The following PTGFRN variants were observed in gnomAD, a reference collection of about 807,000 sequenced individuals.
PTGFRN encodes the protein prostaglandin F2 receptor negative regulator.
Under a neutral mutation model 83.2 loss-of-function variants are expected in PTGFRN, and 35 were observed. The observed-to-expected ratio is 0.42, with a 90% CI of 0.32 to 0.56. The LOEUF is 0.56. Among genes scored for constraint, PTGFRN ranks in the 20% least tolerant of loss-of-function variants. The pLI is 0.11. For synonymous variants in PTGFRN, 519 were observed against 498.6 expected (o/e 1.04, Z -0.55); for missense variants, 1,051 against 1,179.5 (o/e 0.89, Z 1.60).
At chr1:116,913,425 G>A (rs1649321581) in intron 1 of PTGFRN, among the ~76,000 whole-genome samples, 1 of 150,450 alleles carries the variant, frequency 6.6e-6, no homozygotes, top group South Asian at 2.1e-4. Context: ...AAATAATGGG[G>A]GTGCAATTAT....
chr1:116,978,625 A>T (rs981578117), intron 7 of PTGFRN, among the ~76,000 whole-genome samples: 1 of 152,222 alleles, frequency 6.6e-6, no homozygotes, highest in Non-Finnish European at 1.5e-5. Flanking sequence ...CAAAAACCAC[A>T]TGATTATCTC....
intron 4 of PTGFRN, among the ~76,000 whole-genome samples, chr1:116,954,119 A>G (rs143253114): frequency 0.016 from 2,368 of 151,974 alleles, 34 homozygotes; most frequent in African/African-American, 0.042. Flanking sequence ...CGGCCTCCCA[A>G]AGTGCTGGGA....
intron 4 of PTGFRN, among the ~76,000 whole-genome samples, chr1:116,950,145 G>A (rs1247196691): frequency 1.3e-5 from 2 of 152,164 alleles, no homozygotes; most frequent in Non-Finnish European, 2.9e-5. Context: ...GAGCAGAGTA[G>A]CTCTCAAGTG....
chr1:116,939,587 A>G (rs1215018123), intron 1 of PTGFRN, among the ~76,000 whole-genome samples: 1 of 151,622 alleles, frequency 6.6e-6, no homozygotes, highest in Non-Finnish European at 1.5e-5. Flanking sequence ...TGCCATGAAA[A>G]CCTCTGACAT....
At position 116,984,665 on chromosome 1, in the gene PTGFRN, C is replaced by T. The variant is rs771159923; in HGVS notation, c.2168-15C>T. ...CATTGCACTGACCCCAGGGTTTTGG[C>T]TTGGTAATCCGTAGATGACATGGCC... On this transcript the variant is annotated splice_polypyrimidine_tract_variant and intron_variant, in intron 7 of 8. Transcript: ENST00000393203. 4.3e-6 allele frequency: 7 copies of T among 1,609,368 alleles called. No homozygotes were observed. The highest frequency in any genetic ancestry group is 5.9e-6 in the Non-Finnish European group (7 of 1,177,432).
rs1435292854 is a variant in PTGFRN, at chr1:116,967,094, T to C, written c.1823T>C (p.Leu608Pro). ...AATGAAACGAAGTACATCATCTCTC[T>C]GGACCAGGATTCTGTGGTGAAGCTG... is the stretch of plus-strand genomic sequence containing the variant. The part of the protein sequence containing the change: ...SPNETKYIIS[L>P]DQDSVVKLEN... Residue 608 changes from leucine (L) to proline (P), a missense_variant, in exon 6 of 9, where the codon CTG becomes CCG. Leu to Pro is a moderately conservative substitution (Grantham distance 98). This residue lies in a region of PTGFRN where 719 missense variants were observed against 836.6 expected (regional missense o/e 0.86). Transcript: ENST00000393203. 6.2e-7 allele frequency: 1 copy of C among 1,614,240 alleles called. No individual in the cohort carries two copies. The highest frequency in any genetic ancestry group is 1.7e-5 in the Admixed American group (1 of 60,034).
intron 1 of PTGFRN, among the ~76,000 whole-genome samples, chr1:116,940,252 C>G (rs1650028233): frequency 6.6e-6 from 1 of 152,152 alleles, no homozygotes; most frequent in South Asian, 2.1e-4. Flanking sequence ...CTGCAGAGGG[C>G]TGAGAGGGAG....
At chr1:116,920,244 A>C (rs1238831152) in intron 1 of PTGFRN, among the ~76,000 whole-genome samples, 2 of 152,240 alleles carry the variant, frequency 1.3e-5, no homozygotes, top group Non-Finnish European at 2.9e-5. Flanking sequence ...TCTCTAGGGT[A>C]CAGAAGTGTC....
At chr1:116,931,159 A>ATT (rs879509290) in intron 1 of PTGFRN, among the ~76,000 whole-genome samples, 3 of 152,226 alleles carry the variant, frequency 2.0e-5, no homozygotes, top group Non-Finnish European at 4.4e-5. Flanking sequence ...TGCTCGGAGG[A>ATT]AATGCTCGTT....
At chr1:116,957,113 CTCTCTCTCTCTCTT>C (rs979619144) in intron 4 of PTGFRN, among the ~76,000 whole-genome samples, 1 of 151,246 alleles carries the variant, frequency 6.6e-6, no homozygotes, top group African/African-American at 2.4e-5. Flanking sequence ...AACTCTCTCT[CTCTCTCTCTCTCTT>C]TCTCTCTCTC....
chr1:116,961,503 A>G lies in PTGFRN; in HGVS notation c.1474A>G (p.Lys492Glu). The stretch of plus-strand genomic sequence containing the variant: ...CCAGGATGGAGACTTTATTTTTTCT[A>G]AGGAACATACAGACACGTTCAATTT... The part of the protein sequence containing the change: ...RAQDGDFIFS[K>E]EHTDTFNFRI... The change falls in exon 5 of 9, where the codon AAG becomes GAG. Residue 492 changes from lysine (K) to glutamate (E), a missense_variant. By Grantham distance (56) the Lys-to-Glu change is moderately conservative. Around this residue, in one of 3 missense-constraint regions of PTGFRN, gnomAD observed 719 missense variants for 836.6 expected, o/e 0.86. Transcript: ENST00000393203. The surrounding 1 kb of genome is among the most constrained non-coding windows in gnomAD (Gnocchi z 5.4). The G allele has an allele frequency of 6.2e-7, 1 of 1,614,100 alleles. No homozygotes were observed.
In PTGFRN at chr1:116,961,857, C is replaced by A. The variant is rs1242731298; in HGVS notation, c.1639+189C>A. On this transcript the variant is annotated intron_variant, in intron 5 of 8. Coordinates refer to ENST00000393203, the MANE Select transcript of PTGFRN (RefSeq NM_020440.4). The surrounding 1 kb of genome is among the most constrained non-coding windows in gnomAD (Gnocchi z 5.4). ...CTATCACCCCTCCTCTGTCCCCAAGCCCCAGAGAGGTCCCTCTCCAACTCA... is the reference window on the plus strand; with the variant it reads ...CTATCACCCCTCCTCTGTCCCCAAGACCCAGAGAGGTCCCTCTCCAACTCA... Among the ~76,000 whole-genome samples the A allele has an allele frequency of 6.6e-6, 1 of 152,166 alleles. No homozygotes were observed. The highest frequency in any genetic ancestry group is 2.4e-5 in the African/African-American group (1 of 41,426).
chr1:116,916,657 A>G (rs755727737), intron 1 of PTGFRN, among the ~76,000 whole-genome samples: 1 of 152,138 alleles, frequency 6.6e-6, no homozygotes, highest in African/African-American at 2.4e-5. Flanking sequence ...GTGTGCTATG[A>G]TTTGACGAAG....
At position 116,952,232 on chromosome 1, in the gene PTGFRN, G is replaced by A. The variant is rs922483962; in HGVS notation, c.1213+2660G>A. ...GAAACTCCAGAGCATAGTCCTAAGA[G>A]CTGGGTAGTTCTTGTCTTCATTTGC... On this transcript the variant is annotated intron_variant, in intron 4 of 8. Transcript: ENST00000393203. The surrounding 1 kb of genome is among the most constrained non-coding windows in gnomAD (Gnocchi z 4.0). Among the ~76,000 whole-genome samples, 3 of 152,180 alleles carry A rather than the reference G, an allele frequency of 2.0e-5. No homozygotes were observed. The highest frequency in any genetic ancestry group is 4.4e-5 in the Non-Finnish European group (3 of 68,052).
chr1:116,974,142 C>G (rs1651076704), intron 6 of PTGFRN, 74 bp from the exon 7 acceptor site: 1 of 1,169,494 alleles, frequency 8.6e-7, no homozygotes, highest in East Asian at 2.4e-5. Context: ...TTTTGATGCC[C>G]CTTAGAGTGC....
rs533286345 is a variant in PTGFRN at position 116,961,740 on chromosome 1, C to T, written c.1639+72C>T. 6 of 1,381,474 alleles carry T rather than the reference C, an allele frequency of 4.3e-6. No individual in the cohort carries two copies. The highest frequency in any genetic ancestry group is 5.9e-6 in the Non-Finnish European group (6 of 1,012,590). 85.6% of individuals were successfully genotyped at this position (1,381,474 alleles called of 1,614,324 possible). A position where few individuals can be genotyped will look rare whatever the true frequency, so the allele number is the denominator to read the frequency against. ...AGTCGTGCCGCTGTGTGTTGATGCA[C>T]AGTCACCCTCTGCAGGTTATCACTT... is the stretch of plus-strand genomic sequence containing the variant. On this transcript the variant is annotated intron_variant, in intron 5 of 8. Coordinates refer to ENST00000393203, the MANE Select transcript of PTGFRN (RefSeq NM_020440.4). This position sits in a 1 kb window ranked among gnomAD's most constrained non-coding sequence, Gnocchi z 5.4.
At chr1:116,921,032 A>G (rs1419983150) in intron 1 of PTGFRN, among the ~76,000 whole-genome samples, 2 of 152,198 alleles carry the variant, frequency 1.3e-5, no homozygotes, top group Non-Finnish European at 2.9e-5. Flanking sequence ...CTGAACAAGG[A>G]AGGTTCAAAA....
At chr1:116,914,799 C>T (rs182589591) in intron 1 of PTGFRN, among the ~76,000 whole-genome samples, 1 of 151,686 alleles carries the variant, frequency 6.6e-6, no homozygotes, top group Non-Finnish European at 1.5e-5. Flanking sequence ...TGCCCAGGCA[C>T]AGCCACTCCT....
Position 116,967,085 on chromosome 1 carries a change from T to C in PTGFRN, c.1814T>C (p.Ile605Thr). Residue 605 changes from isoleucine (I) to threonine (T), a missense_variant, in exon 6 of 9, where the codon ATC (isoleucine) becomes ACC (threonine). Coordinates refer to ENST00000393203, the MANE Select transcript of PTGFRN (RefSeq NM_020440.4). The part of the protein sequence containing the change: ...DLSSPNETKY[I>T]ISLDQDSVVK... ...TCCAGTCCCAATGAAACGAAGTACA[T>C]CATCTCTCTGGACCAGGATTCTGTG... 6.2e-7 allele frequency: 1 copy of C among 1,614,208 alleles called. No individual in the cohort carries two copies. Among genetic ancestry groups the C allele is most frequent in the Non-Finnish European group, 8.5e-7 (1 of 1,180,046 alleles).
Sources: gnomAD v4.1 joint callset for allele counts (sites outside exome capture counted in the v4.1 genomes callset) on GRCh38, gnomAD v4.1.1 for gene constraint, gnomAD v4.1.1 regional missense constraint, Gnocchi (gnomAD v3.1) non-coding constraint, MANE v1.5 for transcripts, NCBI Gene and HGNC (gene_info 2026-07-23, HGNC 2026-07-21) for gene names.